The following CDH2 variants were observed in gnomAD, a reference collection of about 807,000 sequenced individuals.
CDH2 encodes the protein cadherin 2.
CDH2 carries 17 observed loss-of-function variants against 92.0 expected under a neutral mutation model. The observed-to-expected ratio is 0.18, with a 90% CI of 0.13 to 0.28. CDH2 has a LOEUF of 0.28. Ranked by LOEUF, CDH2 falls within the 10% of genes least tolerant of loss-of-function variation. CDH2 has a pLI of 1.00. For missense variants in CDH2, 862 were observed against 1,133.1 expected, an observed-to-expected ratio of 0.76 and a Z score of 3.44; for synonymous variants, 419 against 415.9, an observed-to-expected ratio of 1.01 and a Z score of -0.09.
At chr18:28,016,787 C>T (rs901397199) in intron 2 of CDH2, among the ~76,000 whole-genome samples, 10 of 151,980 alleles carry the variant, frequency 6.6e-5, no homozygotes, top group Admixed American at 2.6e-4. Flanking sequence ...AAAATGCATA[C>T]GAAGAGAATA....
At chr18:27,970,034 A>AAATAT (rs59878670) in intron 14 of CDH2, among the ~76,000 whole-genome samples, 9,260 of 152,110 alleles carry the variant, frequency 0.061, 288 homozygotes, top group African/African-American at 0.084. Flanking sequence ...AAAATAATGA[A>AAATAT]AATATAATAT....
chr18:27,975,208 T>C (rs904717926), intron 14 of CDH2, among the ~76,000 whole-genome samples: 3 of 152,074 alleles, frequency 2.0e-5, no homozygotes, highest in Non-Finnish European at 4.4e-5. Flanking sequence ...GACTTGAGTA[T>C]GAGAAGAAAG....
intron 2 of CDH2, among the ~76,000 whole-genome samples, chr18:28,073,353 A>C (rs898030679): frequency 2.0e-5 from 3 of 152,200 alleles, no homozygotes; most frequent in Admixed American, 6.5e-5. Flanking sequence ...AACGGGTTCA[A>C]GTTCTAATGA....
rs151010449 is a variant in CDH2 at position 28,148,876 on chromosome 18, C to A, written c.61-1092G>T. Among the ~76,000 whole-genome samples, 132 of 152,278 alleles carry A rather than the reference C, an allele frequency of 8.7e-4. 2 individuals carry two copies. Among genetic ancestry groups the A allele is most frequent in the African/African-American group, 3.1e-3 (127 of 41,562 alleles). Reference sequence around the variant, plus strand: ...TTGCAAATACTAATGTTGCAAAAATCTAGACCAATCTAATAAACTGTTCTT... The same window carrying A: ...TTGCAAATACTAATGTTGCAAAAATATAGACCAATCTAATAAACTGTTCTT... On this transcript the variant is annotated intron_variant, in intron 1 of 15. Transcript: ENST00000269141.
At position 28,132,290 on chromosome 18, in the gene CDH2, A is replaced by C. The variant is rs961675920; in HGVS notation, c.172+15383T>G. The stretch of plus-strand genomic sequence containing the variant: ...ACACAATCAATGGTGCTTATCAGCT[A>C]ACGTGACTGGAGGCCCAGGGATAGG... On this transcript the variant is annotated intron_variant, in intron 2 of 15. Coordinates refer to ENST00000269141, the MANE Select transcript of CDH2 (RefSeq NM_001792.5). 2.6e-5 allele frequency among the ~76,000 whole-genome samples: 4 copies of C among 152,340 alleles called. No individual in the cohort carries two copies. The East Asian group carries it at 7.7e-4, about 29-fold the overall frequency.
intron 6 of CDH2, among the ~76,000 whole-genome samples, chr18:27,941,342 A>G (rs1909135805): frequency 6.6e-6 from 1 of 151,986 alleles, no homozygotes; most frequent in Non-Finnish European, 1.5e-5. Flanking sequence ...GCCAAGTCCC[A>G]CCTTTTTTAT....
At chr18:27,966,318 T>G (rs1394102135) in intron 14 of CDH2, among the ~76,000 whole-genome samples, 1 of 152,220 alleles carries the variant, frequency 6.6e-6, no homozygotes, top group Non-Finnish European at 1.5e-5. Context: ...TGGTGACATA[T>G]TCTTTGATAC....
intron 2 of CDH2, among the ~76,000 whole-genome samples, chr18:28,016,513 GA>G (rs2144045004): frequency 6.6e-6 from 1 of 152,248 alleles, no homozygotes; most frequent in South Asian, 2.1e-4. Flanking sequence ...AGAAGAAAAT[GA>G]ATTAATACTT....
At chr18:28,047,081 C>T (rs2014091197) in intron 2 of CDH2, among the ~76,000 whole-genome samples, 1 of 152,142 alleles carries the variant, frequency 6.6e-6, no homozygotes, top group African/African-American at 2.4e-5. Context: ...CTTTACACTT[C>T]AGATCTTCTA....
chr18:28,124,286 T>C (rs2015638806), intron 2 of CDH2, among the ~76,000 whole-genome samples: 1 of 152,182 alleles, frequency 6.6e-6, no homozygotes, highest in South Asian at 2.1e-4. Flanking sequence ...TTTTCTTTAG[T>C]CAAACTCAAT....
At position 27,951,988 on chromosome 18, in the gene CDH2, C is replaced by A. The variant is rs994106390; in HGVS notation, c.*165G>T. 3.2e-6 allele frequency: 2 copies of A among 629,500 alleles called. No individual in the cohort carries two copies. Among genetic ancestry groups the A allele is most frequent in the Non-Finnish European group, 5.7e-6 (2 of 352,964 alleles). 39.0% of individuals were successfully genotyped at this position (629,500 alleles called of 1,614,324 possible). A position where few individuals can be genotyped will look rare whatever the true frequency, so the allele number is the denominator to read the frequency against. On this transcript the variant is annotated 3_prime_UTR_variant, in exon 16 of 16. Transcript: ENST00000269141. The stretch of plus-strand genomic sequence containing the variant: ...CAGTGTTTTTCCAAACAGTATGGAT[C>A]ACTGATATTCCCTCTGAGCCCAAAT...
intron 2 of CDH2, among the ~76,000 whole-genome samples, chr18:28,118,040 A>G (rs2144266123): frequency 6.6e-6 from 1 of 152,056 alleles, no homozygotes; most frequent in Non-Finnish European, 1.5e-5. Context: ...TTATTTAAAT[A>G]TTATCTACCC....
intron 9 of CDH2, 60 bp from the exon 10 acceptor site, chr18:27,990,410 T>C: frequency 6.7e-7 from 1 of 1,488,580 alleles, no homozygotes; most frequent in Non-Finnish European, 9.1e-7. Context: ...CATTCTGTAG[T>C]TTATTCCTCT....
At chr18:28,144,936 G>A (rs962283848) in intron 2 of CDH2, among the ~76,000 whole-genome samples, 13 of 152,040 alleles carry the variant, frequency 8.6e-5, no homozygotes, top group Non-Finnish European at 1.9e-4. Flanking sequence ...GAAATGGGGA[G>A]GAAAGAATGC....
Position 28,057,289 on chromosome 18 carries a change from T to G in CDH2, c.173-43380A>C, listed in dbSNP as rs79347824. ...TGAACATCAAGCAGAACAAGAATTA[T>G]TTAAATACCAAGGAAATGCTTTGGC... On this transcript the variant is annotated intron_variant, in intron 2 of 15. Transcript: ENST00000269141. Among the ~76,000 whole-genome samples the G allele has an allele frequency of 7.8e-3, 1,193 of 152,308 alleles. 15 individuals are homozygous for G. The highest frequency in any genetic ancestry group is 0.027 in the African/African-American group (1,134 of 41,564).
At chr18:28,106,473 G>GTTT (rs34443556) in intron 2 of CDH2, among the ~76,000 whole-genome samples, 2 of 146,786 alleles carry the variant, frequency 1.4e-5, no homozygotes, top group African/African-American at 2.5e-5. Context: ...ACTTACCAGA[G>GTTT]TTTTTTTTTT....
chr18:28,172,972 C>A (rs769229207), intron 1 of CDH2, among the ~76,000 whole-genome samples: 1 of 151,984 alleles, frequency 6.6e-6, no homozygotes, highest in Non-Finnish European at 1.5e-5. Context: ...CTATTAATAA[C>A]CCTAAAGCTT....
At chr18:28,078,334 A>G (rs925314640) in intron 2 of CDH2, among the ~76,000 whole-genome samples, 1 of 152,176 alleles carries the variant, frequency 6.6e-6, no homozygotes, top group South Asian at 2.1e-4. Flanking sequence ...TGATGTACAC[A>G]TATAAACGAA....
chr18:27,986,872 T>C (rs200610695), intron 11 of CDH2, among the ~76,000 whole-genome samples: 2 of 152,334 alleles, frequency 1.3e-5, no homozygotes, highest in South Asian at 2.1e-4. Context: ...AATATTACTA[T>C]ACTTTTATAA....
Sources: allele counts gnomAD v4.1 joint callset (sites outside exome capture counted in the v4.1 genomes callset), GRCh38; gene constraint gnomAD v4.1.1; transcripts MANE v1.5; gene names NCBI Gene and HGNC (gene_info 2026-07-23, HGNC 2026-07-21).